SEMA3E: variants seen among roughly 807,000 people sequenced by gnomAD.
SEMA3E encodes the protein semaphorin-3E.
A neutral mutation model predicts 93.6 loss-of-function variants in SEMA3E; 49 were observed. That is an observed-to-expected ratio of 0.52 (90% CI 0.42 to 0.66). The LOEUF is 0.66. SEMA3E is among the 30% of genes least tolerant of loss of function. SEMA3E has a pLI of 0.00. For synonymous variants in SEMA3E, 363 were observed against 330.7 expected (o/e 1.10, Z -1.06); for missense variants, 906 against 964.8 (o/e 0.94, Z 0.81).
Position 83,597,035 on chromosome 7 carries a change from A to T in SEMA3E, c.115+51393T>A, listed in dbSNP as rs140653806. ...ATCAAAACTGTGGATTGACAGTTAG[A>T]CCAACGGAACCGGTGACTGCCTAAC... On this transcript the variant is annotated intron_variant, in intron 1 of 16. Coordinates refer to ENST00000643230, the MANE Select transcript of SEMA3E (RefSeq NM_012431.3). Among the ~76,000 whole-genome samples the T allele has an allele frequency of 4.9e-3, 746 of 152,258 alleles. 6 individuals carry two copies. The highest frequency in any genetic ancestry group is 6.6e-3 in the Non-Finnish European group (450 of 67,996).
chr7:83,408,553 C>A, intron 5 of SEMA3E, 66 bp from the exon 6 acceptor site: 1 of 1,472,450 alleles, frequency 6.8e-7, no homozygotes, highest in Non-Finnish European at 9.4e-7. Context: ...TAAACACATC[C>A]AAATTTAATA....
Position 83,412,761 on chromosome 7 carries a change from T to TA in SEMA3E, c.551-4275dup, listed in dbSNP as rs35717519. On this transcript the variant is annotated intron_variant, in intron 5 of 16. Coordinates refer to ENST00000643230, the MANE Select transcript of SEMA3E (RefSeq NM_012431.3). ...GAGCCAGACCCTGCCTAAAAAAAGATAAAAAAAAAAAAAAAAACACACAGG... is the reference window on the plus strand; with the variant it reads ...GAGCCAGACCCTGCCTAAAAAAAGATAAAAAAAAAAAAAAAAAACACACAGG... Among the ~76,000 whole-genome samples, 914 of 143,660 alleles carry TA rather than the reference T, an allele frequency of 6.4e-3. 14 individuals are homozygous for TA. Among genetic ancestry groups the TA allele is most frequent in the African/African-American group, 0.024 (860 of 36,404 alleles). 94.2% of individuals were successfully genotyped at this position (143,660 alleles called of 152,430 possible). A position where few individuals can be genotyped will look rare whatever the true frequency, so the allele number is the denominator to read the frequency against.
chr7:83,479,105 AC>A (rs756350365), intron 2 of SEMA3E, among the ~76,000 whole-genome samples: 2 of 151,890 alleles, frequency 1.3e-5, no homozygotes, highest in African/African-American at 4.8e-5. Context: ...TCCATCCTTA[AC>A]CCTTACTGCA....
intron 4 of SEMA3E, among the ~76,000 whole-genome samples, chr7:83,438,069 A>T (rs2371674): frequency 0.72 from 110,105 of 152,060 alleles, 40,881 homozygotes; most frequent in East Asian, 1. Flanking sequence ...TGAGATTAAG[A>T]AAAGAAATTC....
chr7:83,501,447 C>T (rs1285234882), intron 1 of SEMA3E, among the ~76,000 whole-genome samples: 1 of 152,040 alleles, frequency 6.6e-6, no homozygotes, highest in Non-Finnish European at 1.5e-5. Flanking sequence ...ATAGGTCTAT[C>T]ATCTACTTTT....
chr7:83,634,907 C>A (rs926657436), intron 1 of SEMA3E, among the ~76,000 whole-genome samples: 2 of 151,970 alleles, frequency 1.3e-5, no homozygotes, highest in Non-Finnish European at 2.9e-5. Context: ...GTCCCAACAA[C>A]TAAAATTATA....
chr7:83,381,966 G>A (rs1355202891), intron 16 of SEMA3E, among the ~76,000 whole-genome samples: 3 of 151,932 alleles, frequency 2.0e-5, no homozygotes, highest in Non-Finnish European at 4.4e-5. Flanking sequence ...ACAATGAGGA[G>A]TAATGCCTTT....
At position 83,546,109 on chromosome 7, in the gene SEMA3E, T is replaced by A. The variant is rs574949714; in HGVS notation, c.116-55835A>T. 2.0e-5 allele frequency among the ~76,000 whole-genome samples: 3 copies of A among 149,204 alleles called. No homozygotes were observed. In the East Asian group the frequency reaches 5.8e-4, roughly 29 times the overall value. Reference sequence around the variant, plus strand: ...ATAATGTATCAGTATTAGATAAGATTGGATAAAGAAAAACTGCAGGCTTTT... The same window carrying A: ...ATAATGTATCAGTATTAGATAAGATAGGATAAAGAAAAACTGCAGGCTTTT... On this transcript the variant is annotated intron_variant, in intron 1 of 16. Coordinates refer to ENST00000643230, the MANE Select transcript of SEMA3E (RefSeq NM_012431.3).
At chr7:83,414,856 T>A (rs1003954176) in intron 5 of SEMA3E, among the ~76,000 whole-genome samples, 1 of 152,052 alleles carries the variant, frequency 6.6e-6, no homozygotes, top group African/African-American at 2.4e-5. Flanking sequence ...AGGATTAAAT[T>A]ATACCTGGAA....
intron 7 of SEMA3E, 27 bp from the exon 8 acceptor site, chr7:83,406,086 A>G (rs1201485504): frequency 1.4e-6 from 2 of 1,477,296 alleles, no homozygotes; most frequent in East Asian, 4.5e-5. Context: ...GGAGGTAAAT[A>G]GTTACCTAAA....
chr7:83,490,391 TATC>T, intron 1 of SEMA3E, 117 bp from the exon 2 acceptor site: 4 of 972,262 alleles, frequency 4.1e-6, no homozygotes, highest in Non-Finnish European at 6.3e-6. Flanking sequence ...ACATTCATTT[TATC>T]ATACATATAC....
chr7:83,601,621 T>C (rs529344868), intron 1 of SEMA3E, among the ~76,000 whole-genome samples: 1 of 152,264 alleles, frequency 6.6e-6, no homozygotes, highest in East Asian at 1.9e-4. Flanking sequence ...GCTTGAGAGA[T>C]AGCAATTAAT....
Position 83,648,735 on chromosome 7 carries a change from C to A in SEMA3E, c.-193G>T. 1.6e-6 allele frequency: 1 copy of A among 643,350 alleles called. No homozygotes were observed. Among genetic ancestry groups the A allele is most frequent in the African/African-American group, 1.8e-5 (1 of 55,848 alleles). 39.9% of individuals were successfully genotyped at this position (643,350 alleles called of 1,614,324 possible). A position where few individuals can be genotyped will look rare whatever the true frequency, so the allele number is the denominator to read the frequency against. On this transcript the variant is annotated 5_prime_UTR_variant, in exon 1 of 17. Coordinates refer to ENST00000643230, the MANE Select transcript of SEMA3E (RefSeq NM_012431.3). Reference sequence around the variant, plus strand: ...ATGTAAAACCTTTCTTTCCTCGGGACAGTTGTTTATAAGCCGGGAGCAAGA... The same window carrying A: ...ATGTAAAACCTTTCTTTCCTCGGGAAAGTTGTTTATAAGCCGGGAGCAAGA...
chr7:83,380,716 CT>C (rs987302224), intron 16 of SEMA3E, among the ~76,000 whole-genome samples: 2 of 151,900 alleles, frequency 1.3e-5, no homozygotes, highest in Non-Finnish European at 2.9e-5. Context: ...TGTTTGCACT[CT>C]TGTCTTTATT....
At chr7:83,385,185 G>A (rs1787853112) in intron 16 of SEMA3E, 109 bp downstream of exon 16, 1 of 1,148,468 alleles carries the variant, frequency 8.7e-7, no homozygotes, top group Non-Finnish European at 1.3e-6. Flanking sequence ...AATAAGGCAT[G>A]CATAGTACAA....
chr7:83,642,719 A>G (rs1388010246), intron 1 of SEMA3E, among the ~76,000 whole-genome samples: 1 of 152,138 alleles, frequency 6.6e-6, no homozygotes, highest in Non-Finnish European at 1.5e-5. Context: ...ACAAAGTGTC[A>G]TATGTTACAC....
At chr7:83,386,910 T>C (rs1285176323) in intron 15 of SEMA3E, 73 bp downstream of exon 15, 33 of 1,323,394 alleles carry the variant, frequency 2.5e-5, no homozygotes, top group Non-Finnish European at 3.6e-5. Context: ...AAAGGACTCT[T>C]TTTAAGAAGT....
In SEMA3E at chr7:83,466,563, A is replaced by C; in HGVS notation, c.375T>G (p.Tyr125Ter). ...CACAGGTCAGAAGGTGTGTCCTGTT[A>C]TAGTGATGCAAAACCCGAACATAAT... The part of the protein sequence containing the change: ...CANYVRVLHH[Y>*]NRTHLLTCGT... Residue 125 changes from tyrosine (Y) to a stop codon, truncating the protein, a stop_gained, in exon 4 of 17, where the codon TAT (tyrosine) becomes TAG (stop). Transcript: ENST00000643230. LOFTEE classifies it high-confidence loss of function. The C allele has an allele frequency of 6.2e-7, 1 of 1,613,990 alleles. No homozygotes were observed.
At chr7:83,627,396 G>A (rs762269281) in intron 1 of SEMA3E, among the ~76,000 whole-genome samples, 1 of 152,012 alleles carries the variant, frequency 6.6e-6, no homozygotes, top group Non-Finnish European at 1.5e-5. Context: ...CCTCTATTAG[G>A]TGCATATATA....
Sources: allele counts gnomAD v4.1 joint callset (sites outside exome capture counted in the v4.1 genomes callset), GRCh38; gene constraint gnomAD v4.1.1; transcripts MANE v1.5; gene names NCBI Gene and HGNC (gene_info 2026-07-23, HGNC 2026-07-21).